The following UBE2E2 variants were observed in gnomAD, a reference collection of about 807,000 sequenced individuals.
UBE2E2 encodes the protein ubiquitin-conjugating enzyme E2 E2.
UBE2E2 carries 6 observed loss-of-function variants against 24.7 expected under a neutral mutation model. That is an observed-to-expected ratio of 0.24 (90% confidence interval 0.13 to 0.48). UBE2E2 has a LOEUF of 0.48. Among genes scored for constraint, UBE2E2 ranks in the 20% least tolerant of loss-of-function variants. The pLI is 0.99. For synonymous variants in UBE2E2, 104 were observed against 83.6 expected (o/e 1.24, Z -1.33); for missense variants, 169 against 245.0 (o/e 0.69, Z 2.07).
chr3:23,461,547 A>G (rs955865463), intron 3 of UBE2E2, among the ~76,000 whole-genome samples: 2 of 152,136 alleles, frequency 1.3e-5, no homozygotes, highest in Non-Finnish European at 2.9e-5. Context: ...TTAAATAGAT[A>G]CCTACTTCTA....
At chr3:23,239,878 AG>A (rs2125337310) in intron 3 of UBE2E2, among the ~76,000 whole-genome samples, 1 of 152,348 alleles carries the variant, frequency 6.6e-6, no homozygotes, top group East Asian at 1.9e-4. Flanking sequence ...TTCTTTGAAA[AG>A]GAGTAGGAAA....
chr3:23,473,107 G>A (rs960319560), intron 3 of UBE2E2, among the ~76,000 whole-genome samples: 2 of 152,050 alleles, frequency 1.3e-5, no homozygotes, highest in African/African-American at 2.4e-5. Flanking sequence ...CATGGCACCT[G>A]ATTTAAATGG....
At chr3:23,362,936 GA>G (rs374610407) in intron 3 of UBE2E2, among the ~76,000 whole-genome samples, 126,677 of 151,596 alleles carry the variant, frequency 0.84, 52,986 homozygotes, top group African/African-American at 0.88. Flanking sequence ...GGCTAACAGT[GA>G]AAACAGGCTT....
At chr3:23,497,253 G>C (rs1014832797) in intron 3 of UBE2E2, among the ~76,000 whole-genome samples, 9 of 152,114 alleles carry the variant, frequency 5.9e-5, no homozygotes, top group Non-Finnish European at 1.0e-4. Context: ...GTGGCCCTTC[G>C]TATGGATCCC....
intron 3 of UBE2E2, among the ~76,000 whole-genome samples, chr3:23,307,099 A>G (rs1699255905): frequency 6.6e-6 from 1 of 152,220 alleles, no homozygotes; most frequent in African/African-American, 2.4e-5. Flanking sequence ...TGTAAAGAGT[A>G]TGCTAACTTG....
At chr3:23,512,665 C>G (rs1694630167) in intron 4 of UBE2E2, among the ~76,000 whole-genome samples, 1 of 152,144 alleles carries the variant, frequency 6.6e-6, no homozygotes, top group African/African-American at 2.4e-5. Context: ...TGTGTATAGA[C>G]TGCGCTCAGT....
At chr3:23,206,099 C>T (rs1696138231) in intron 1 of UBE2E2, among the ~76,000 whole-genome samples, 1 of 152,068 alleles carries the variant, frequency 6.6e-6, no homozygotes, top group Admixed American at 6.5e-5. Context: ...ATGGATTGCT[C>T]CTGTTTTAAA....
At chr3:23,484,898 C>G (rs1047545152) in intron 3 of UBE2E2, among the ~76,000 whole-genome samples, 2 of 152,094 alleles carry the variant, frequency 1.3e-5, no homozygotes, top group African/African-American at 4.8e-5. Context: ...CACTGGGTCC[C>G]TCCATGACAC....
intron 3 of UBE2E2, among the ~76,000 whole-genome samples, chr3:23,238,539 C>T (rs1412976875): frequency 1.3e-5 from 2 of 152,156 alleles, no homozygotes; most frequent in African/African-American, 4.8e-5. Context: ...AAACCATCAT[C>T]AGTAAAGGCT....
intron 5 of UBE2E2, among the ~76,000 whole-genome samples, chr3:23,564,739 G>A (rs574598491): frequency 3.9e-5 from 6 of 152,108 alleles, no homozygotes; most frequent in Admixed American, 2.0e-4. Context: ...ACTGGTCTGC[G>A]CGGTCACAAC....
chr3:23,360,292 A>T (rs1215763038), intron 3 of UBE2E2, among the ~76,000 whole-genome samples: 1 of 152,134 alleles, frequency 6.6e-6, no homozygotes, highest in East Asian at 1.9e-4. Flanking sequence ...TCGTTTTAAA[A>T]AAGTCAGTGT....
chr3:23,299,458 T>G (rs1444211374), intron 3 of UBE2E2, among the ~76,000 whole-genome samples: 2 of 152,132 alleles, frequency 1.3e-5, no homozygotes, highest in Non-Finnish European at 2.9e-5. Flanking sequence ...GCTTTGAATG[T>G]GTCCCAGAGA....
chr3:23,317,559 C>G (rs779227143), intron 3 of UBE2E2, among the ~76,000 whole-genome samples: 6 of 152,116 alleles, frequency 3.9e-5, no homozygotes, highest in Non-Finnish European at 7.3e-5. Context: ...CTTACAGTTC[C>G]GCATGGCTGG....
In UBE2E2 at chr3:23,590,401, T is replaced by TAC. The variant is rs1696733773; in HGVS notation, c.*570_*571insAC. On this transcript the variant is annotated 3_prime_UTR_variant, in exon 6 of 6. Transcript: ENST00000396703. ...TCACTGTGCATTACTGAGACTCTGT[T>TAC]TATCACTAGCCTTCTGTCCCTCCCG... 1 of 152,780 alleles carries TAC rather than the reference T, an allele frequency of 6.5e-6. No homozygotes were observed. The highest frequency in any genetic ancestry group is 6.5e-5 in the Admixed American group (1 of 15,298). 9.5% of individuals were successfully genotyped at this position (152,780 alleles called of 1,614,324 possible). A position where few individuals can be genotyped will look rare whatever the true frequency, so the allele number is the denominator to read the frequency against.
intron 3 of UBE2E2, among the ~76,000 whole-genome samples, chr3:23,489,511 T>C (rs991213720): frequency 6.6e-5 from 10 of 152,310 alleles, no homozygotes; most frequent in Admixed American, 3.9e-4. Context: ...ACAGCTGGTA[T>C]AGAAAAGGGA....
At chr3:23,268,720 A>C (rs1284394882) in intron 3 of UBE2E2, among the ~76,000 whole-genome samples, 1,915 of 149,494 alleles carry the variant, frequency 0.013, 36 homozygotes, top group African/African-American at 0.045. Context: ...TTCATATGGA[A>C]CCAAAAAAGA....
chr3:23,585,887 T>C (rs1449530347), intron 5 of UBE2E2, among the ~76,000 whole-genome samples: 2 of 148,936 alleles, frequency 1.3e-5, no homozygotes, highest in Non-Finnish European at 3.0e-5. Flanking sequence ...AAAAAAAAAT[T>C]ATTTGGTTGA....
At chr3:23,509,548 A>G (rs542874588) in intron 4 of UBE2E2, among the ~76,000 whole-genome samples, 1 of 152,028 alleles carries the variant, frequency 6.6e-6, no homozygotes, top group East Asian at 1.9e-4. Context: ...CAAGTGATCA[A>G]ATTTCCTTGA....
chr3:23,292,320 G>A (rs945072781), intron 3 of UBE2E2, among the ~76,000 whole-genome samples: 6 of 152,008 alleles, frequency 3.9e-5, no homozygotes, highest in Admixed American at 1.3e-4. Flanking sequence ...TTAAAATGTC[G>A]TCTTTAAAAC....
Sources: allele counts gnomAD v4.1 joint callset (sites outside exome capture counted in the v4.1 genomes callset), GRCh38; gene constraint gnomAD v4.1.1; transcripts MANE v1.5; gene names NCBI Gene and HGNC (gene_info 2026-07-23, HGNC 2026-07-21).